The following TIMM17A variants were observed in gnomAD, a reference collection of about 807,000 sequenced individuals.
TIMM17A encodes mitochondrial import inner membrane translocase subunit Tim17-A.
A neutral mutation model predicts 26.5 loss-of-function variants in TIMM17A; 15 were observed. The observed-to-expected ratio is 0.57, with a 90% CI of 0.38 to 0.87. The LOEUF is 0.87. Ranked by LOEUF, TIMM17A falls within the 40% of genes least tolerant of loss-of-function variation. The pLI is 0.00. For synonymous variants in TIMM17A, 80 were observed against 70.8 expected (o/e 1.13, Z -0.66); for missense variants, 201 against 210.0 (o/e 0.96, Z 0.27).
At chr1:201,965,695 T>C in intron 5 of TIMM17A, 152 bp downstream of exon 5, 1 of 651,142 alleles carries the variant, frequency 1.5e-6, no homozygotes, top group Non-Finnish European at 2.6e-6. Context: ...ATGAACATGT[T>C]ATATTTAGCC....
intron 3 of TIMM17A, among the ~76,000 whole-genome samples, chr1:201,959,740 C>G (rs375763506): frequency 1.1e-4 from 16 of 149,124 alleles, no homozygotes; most frequent in Admixed American, 5.3e-4. Context: ...TTTCGGAGGC[C>G]GAGGCAGGTG....
intron 4 of TIMM17A, among the ~76,000 whole-genome samples, chr1:201,964,718 G>A (rs1241304328): frequency 3.1e-5 from 4 of 128,996 alleles, no homozygotes; most frequent in South Asian, 4.7e-4. Flanking sequence ...GCGCAATCTC[G>A]GCTCACTGCA....
At chr1:201,963,385 C>A in intron 3 of TIMM17A, 1 of 412,484 alleles carries the variant, frequency 2.4e-6, no homozygotes, top group Non-Finnish European at 4.3e-6. Context: ...TGGCTTATTT[C>A]TTATAGGCTT....
intron 3 of TIMM17A, among the ~76,000 whole-genome samples, chr1:201,961,782 G>A (rs548172661): frequency 1.3e-5 from 2 of 151,968 alleles, no homozygotes; most frequent in East Asian, 1.9e-4. Context: ...TTGATATCTC[G>A]TATTTCCAGT....
rs574024181 is a variant in TIMM17A at position 201,957,860 on chromosome 1, C to T, written c.190+286C>T. On this transcript the variant is annotated intron_variant, in intron 3 of 5. Coordinates refer to ENST00000367287, the MANE Select transcript of TIMM17A (RefSeq NM_006335.3). ...GTTATTTAAAGCTCAGGTGTGAGGC[C>T]GGGCACGGGGCTCACGCCTGTAATC... The T allele has an allele frequency of 2.3e-4, 71 of 307,424 alleles. No individual in the cohort carries two copies. In the South Asian group the frequency reaches 2.6e-3, roughly 11 times the overall value. The allele number at this position is 307,424 out of a possible 1,614,324, so 19.0% of individuals were successfully genotyped here. A position where few individuals can be genotyped will look rare whatever the true frequency, so the allele number is the denominator to read the frequency against.
chr1:201,965,659 A>G (rs1682613712), intron 5 of TIMM17A, 116 bp downstream of exon 5: 2 of 739,552 alleles, frequency 2.7e-6, no homozygotes, highest in Admixed American at 2.5e-5. Flanking sequence ...GCTGTGGTTC[A>G]TGAGGACTGT....
At chr1:201,958,843 G>A (rs993000709) in intron 3 of TIMM17A, among the ~76,000 whole-genome samples, 2 of 152,192 alleles carry the variant, frequency 1.3e-5, no homozygotes, top group African/African-American at 4.8e-5. Context: ...TCACAGTAAT[G>A]AAGAAGTTAG....
chr1:201,957,722 T>A, intron 3 of TIMM17A, 148 bp downstream of exon 3: 1 of 603,582 alleles, frequency 1.7e-6, no homozygotes, highest in African/African-American at 1.9e-5. Flanking sequence ...TCTTCTTGAT[T>A]TGTAGTTTGT....
At chr1:201,959,873 C>T (rs1005486939) in intron 3 of TIMM17A, among the ~76,000 whole-genome samples, 6 of 151,764 alleles carry the variant, frequency 4.0e-5, no homozygotes, top group East Asian at 1.9e-4. Context: ...TGGTGACGGG[C>T]GCCTGTAGTC....
chr1:201,959,314 C>T (rs1454108749), intron 3 of TIMM17A, among the ~76,000 whole-genome samples: 1 of 151,656 alleles, frequency 6.6e-6, no homozygotes, highest in Non-Finnish European at 1.5e-5. Flanking sequence ...CGAGATTGCA[C>T]CACTGTACTC....
chr1:201,967,851 A>G (rs1682663492), intron 5 of TIMM17A, among the ~76,000 whole-genome samples: 1 of 151,944 alleles, frequency 6.6e-6, no homozygotes, highest in Non-Finnish European at 1.5e-5. Flanking sequence ...TCTCCTTTTT[A>G]GTAATTAAAA....
chr1:201,964,656 T>TTTTTTTTTTTTTA (rs1682594517), intron 4 of TIMM17A, among the ~76,000 whole-genome samples: 1 of 130,350 alleles, frequency 7.7e-6, no homozygotes, highest in Non-Finnish European at 1.6e-5. Context: ...TTTTTTTTTT[T>TTTTTTTTTTTTTA]TTTTTTTTTT....
chr1:201,963,070 C>T (rs1231354848), intron 3 of TIMM17A: 1 of 152,516 alleles, frequency 6.6e-6, no homozygotes, highest in Admixed American at 6.6e-5. Flanking sequence ...CTGTTTTAGG[C>T]TTGGCTTCTT....
intron 5 of TIMM17A, among the ~76,000 whole-genome samples, chr1:201,966,622 C>T (rs1042364046): frequency 6.6e-6 from 1 of 152,060 alleles, no homozygotes; most frequent in African/African-American, 2.4e-5. Context: ...GCAGGTGGAT[C>T]ACTTGAGGTC....
At chr1:201,961,748 CAT>C (rs1682536902) in intron 3 of TIMM17A, among the ~76,000 whole-genome samples, 1 of 152,086 alleles carries the variant, frequency 6.6e-6, no homozygotes. Context: ...TATATCTATA[CAT>C]ACTGAAAATC....
intron 4 of TIMM17A, among the ~76,000 whole-genome samples, chr1:201,964,972 G>GA (rs1682603580): frequency 6.6e-6 from 1 of 150,432 alleles, no homozygotes; most frequent in Non-Finnish European, 1.5e-5. Flanking sequence ...ATTTTCTTGA[G>GA]ACGGAGTCTT....
chr1:201,966,851 A>G (rs1038182047), intron 5 of TIMM17A, among the ~76,000 whole-genome samples: 6 of 143,552 alleles, frequency 4.2e-5, no homozygotes, highest in African/African-American at 1.5e-4. Flanking sequence ...CAAAAAATAT[A>G]TATATATATA....
rs767828065 is a variant in TIMM17A at position 201,955,557 on chromosome 1, G to A, written c.26+5G>A. ...GGAGTACGCGCGAGAGCCTTGGTGAGCTTCACCGCTGTCTTTGCATTTCTC... is the reference window on the plus strand; with the variant it reads ...GGAGTACGCGCGAGAGCCTTGGTGAACTTCACCGCTGTCTTTGCATTTCTC... On this transcript the variant is annotated splice_donor_5th_base_variant and intron_variant, in intron 1 of 5. Coordinates refer to ENST00000367287, the MANE Select transcript of TIMM17A (RefSeq NM_006335.3). 1.9e-6 allele frequency: 3 copies of A among 1,614,232 alleles called. No individual in the cohort carries two copies. Among genetic ancestry groups the A allele is most frequent in the Non-Finnish European group, 2.5e-6 (3 of 1,180,036 alleles).
At chr1:201,965,314 A>G (rs1378731533) in intron 4 of TIMM17A, 119 bp from the exon 5 acceptor site, 1 of 701,592 alleles carries the variant, frequency 1.4e-6, no homozygotes, top group African/African-American at 1.8e-5. Context: ...CTTAGGCAAT[A>G]AGAAAGAGTT....
Sources: gnomAD v4.1 joint callset for allele counts (sites outside exome capture counted in the v4.1 genomes callset) on GRCh38, gnomAD v4.1.1 for gene constraint, MANE v1.5 for transcripts, NCBI Gene and HGNC (gene_info 2026-07-23, HGNC 2026-07-21) for gene names.